The following APBA1 variants were observed in gnomAD, a reference collection of about 807,000 sequenced individuals.
The protein encoded by APBA1 is amyloid beta precursor protein binding family A member 1.
Under a neutral mutation model 86.6 loss-of-function variants are expected in APBA1, and 55 were observed. The observed-to-expected ratio is 0.64, with a 90% CI of 0.51 to 0.80. The LOEUF (loss-of-function observed/expected upper bound fraction) is 0.80. APBA1 is among the 30% of genes least tolerant of loss of function. The probability of loss-of-function intolerance (pLI) is 0.00; values close to 1 mark genes in which losing one functional copy is unlikely to be tolerated. For missense variants in APBA1, 1,090 were observed against 1,183.0 expected (o/e 0.92, Z 1.15); for synonymous variants, 511 against 493.9 (o/e 1.03, Z -0.46).
intron 2 of APBA1, among the ~76,000 whole-genome samples, chr9:69,485,244 A>T (rs182869862): frequency 1.1e-4 from 16 of 152,168 alleles, no homozygotes; most frequent in Admixed American, 1.0e-3. Flanking sequence ...AAGCCTAAAA[A>T]TCTCCACACC....
intron 1 of APBA1, among the ~76,000 whole-genome samples, chr9:69,664,421 G>A (rs768154000): frequency 6.6e-6 from 1 of 152,186 alleles, no homozygotes; most frequent in Non-Finnish European, 1.5e-5. Context: ...AATAAAGTTT[G>A]TGGTGGTAGC....
chr9:69,427,901 T>C lies in APBA1; in HGVS notation c.*3426A>G, dbSNP rs1045833811. 2 of 152,186 alleles carry C rather than the reference T, an allele frequency of 1.3e-5. No homozygotes were observed. Among genetic ancestry groups the C allele is most frequent in the Non-Finnish European group, 1.5e-5 (1 of 68,036 alleles). 9.4% of individuals were successfully genotyped at this position (152,186 alleles called of 1,614,324 possible). ...TTTCACCCTCTTTACAGAACAATAG[T>C]ACAAGTTCATACTCTAGGTGCTGTG... On this transcript the variant is annotated 3_prime_UTR_variant, in exon 13 of 13. Coordinates refer to ENST00000265381, the MANE Select transcript of APBA1 (RefSeq NM_001163.4).
chr9:69,611,295 A>C (rs1045266153), intron 1 of APBA1, among the ~76,000 whole-genome samples: 26 of 150,596 alleles, frequency 1.7e-4, no homozygotes, highest in Middle Eastern at 6.8e-3. Flanking sequence ...GAAAAAAAAA[A>C]AAAAAAAAAC....
At chr9:69,521,415 T>C (rs1444659450) in intron 1 of APBA1, among the ~76,000 whole-genome samples, 1 of 152,186 alleles carries the variant, frequency 6.6e-6, no homozygotes, top group African/African-American at 2.4e-5. Context: ...CAGGCCACAT[T>C]CATACTTGAT....
Position 69,516,876 on chromosome 9 carries a change from G to C in APBA1, c.335C>G (p.Pro112Arg). ...CACAGCATAGGCGCTCTCGTCCTCG[G>C]GGTCCTGCGCGCGCTCCGCATCGTA... ...DGYDAERAQD[P>R]EDESAYAVQY... The change falls in exon 2 of 13, where the codon CCC becomes CGC. Residue 112 changes from proline (P) to arginine (R), a missense_variant. Transcript: ENST00000265381. The surrounding 1 kb of genome is among the most constrained non-coding windows in gnomAD (Gnocchi z 7.3). The C allele has an allele frequency of 6.3e-7, 1 of 1,595,780 alleles. No individual in the cohort carries two copies. Among genetic ancestry groups the C allele is most frequent in the Non-Finnish European group, 8.5e-7 (1 of 1,176,780 alleles).
chr9:69,603,436 C>T (rs1268107097), intron 1 of APBA1, among the ~76,000 whole-genome samples: 2 of 152,230 alleles, frequency 1.3e-5, no homozygotes, highest in Non-Finnish European at 2.9e-5. Context: ...TCCTGATCAG[C>T]TCACACTTCA....
intron 1 of APBA1, among the ~76,000 whole-genome samples, chr9:69,609,989 T>C (rs1822551431): frequency 6.6e-6 from 1 of 152,130 alleles, no homozygotes; most frequent in East Asian, 1.9e-4. Context: ...TTGACTTAAC[T>C]TGGGATCCGA....
intron 10 of APBA1, among the ~76,000 whole-genome samples, chr9:69,442,787 C>G (rs115992810): frequency 2.6e-5 from 4 of 152,216 alleles, no homozygotes; most frequent in Non-Finnish European, 5.9e-5. Flanking sequence ...TCTACCAAAT[C>G]TTTTTCAGTG....
intron 2 of APBA1, among the ~76,000 whole-genome samples, chr9:69,493,973 T>C (rs925791176): frequency 6.6e-6 from 1 of 152,082 alleles, no homozygotes; most frequent in Non-Finnish European, 1.5e-5. Flanking sequence ...CCCAAATATA[T>C]GATAAGTTTT....
rs189657891 is a variant in APBA1, at chr9:69,436,266, T to G, written c.2302-3590A>C. On this transcript the variant is annotated intron_variant, in intron 11 of 12. Transcript: ENST00000265381. ...AGGATTGACTTGGCAATGTGGGCTC[T>G]TTTTTGGTTCCATATGAATTTTAAA... is the stretch of plus-strand genomic sequence containing the variant. Among the ~76,000 whole-genome samples the G allele has an allele frequency of 1.4e-3, 204 of 150,148 alleles. 9 individuals carry two copies. The Middle Eastern group carries it at 0.024, about 18-fold the overall frequency.
intron 1 of APBA1, among the ~76,000 whole-genome samples, chr9:69,536,046 GTTT>G (rs10579030): frequency 2.1e-5 from 3 of 143,818 alleles, no homozygotes; most frequent in African/African-American, 5.1e-5. Flanking sequence ...GCAGTTTTTT[GTTT>G]TTTTTTTTTT....
chr9:69,647,705 G>A (rs775182446), intron 1 of APBA1, among the ~76,000 whole-genome samples: 14 of 152,154 alleles, frequency 9.2e-5, no homozygotes, highest in East Asian at 5.8e-4. Context: ...TCCTTAGTGC[G>A]CCAGAATGTA....
chr9:69,533,984 C>G (rs1836470252), intron 1 of APBA1, among the ~76,000 whole-genome samples: 1 of 152,090 alleles, frequency 6.6e-6, no homozygotes, highest in African/African-American at 2.4e-5. Flanking sequence ...ACAAAGAGGA[C>G]ATGACATCCA....
intron 1 of APBA1, among the ~76,000 whole-genome samples, chr9:69,574,959 G>A (rs1024378049): frequency 7.2e-5 from 11 of 152,094 alleles, no homozygotes; most frequent in Non-Finnish European, 1.5e-4. Flanking sequence ...CTGTCGCCTA[G>A]GCTGGAGTGC....
At chr9:69,540,885 A>G (rs1836598094) in intron 1 of APBA1, among the ~76,000 whole-genome samples, 1 of 152,196 alleles carries the variant, frequency 6.6e-6, no homozygotes, top group Non-Finnish European at 1.5e-5. Context: ...GATTACAAGC[A>G]TGAGCCACCA....
At chr9:69,499,298 C>G (rs552273974) in intron 2 of APBA1, among the ~76,000 whole-genome samples, 1 of 152,188 alleles carries the variant, frequency 6.6e-6, no homozygotes, top group Admixed American at 6.5e-5. Context: ...GAATACATCA[C>G]ATTCCAGCCA....
chr9:69,476,115 A>G lies in APBA1; in HGVS notation c.1229T>C (p.Leu410Ser). Residue 410 changes from leucine (L) to serine (S), a missense_variant, in exon 3 of 13, where the codon TTG (leucine) becomes TCG (serine). Physicochemically the swap from Leu to Ser is moderately radical, Grantham distance 145. Coordinates refer to ENST00000265381, the MANE Select transcript of APBA1 (RefSeq NM_001163.4). ...DSPSPGSSSP[L>S]GAESSSTSLH... ...AGATGTGCTTGATGACTCTGCACCCAAGGGGGAGGAGCTGCCAGGAGACGG... is the reference window on the plus strand; with the variant it reads ...AGATGTGCTTGATGACTCTGCACCCGAGGGGGAGGAGCTGCCAGGAGACGG... 1 of 1,614,002 alleles carries G rather than the reference A, an allele frequency of 6.2e-7. No homozygotes were observed. The highest frequency in any genetic ancestry group is 8.5e-7 in the Non-Finnish European group (1 of 1,179,958).
intron 2 of APBA1, among the ~76,000 whole-genome samples, chr9:69,485,009 T>C (rs1231380127): frequency 3.3e-5 from 5 of 150,654 alleles, no homozygotes; most frequent in Non-Finnish European, 4.4e-5. Context: ...AGAGACAGGG[T>C]CTCACTATGT....
At chr9:69,547,225 G>T (rs1836712339) in intron 1 of APBA1, among the ~76,000 whole-genome samples, 1 of 152,178 alleles carries the variant, frequency 6.6e-6, no homozygotes, top group South Asian at 2.1e-4. Flanking sequence ...GGATGGTACT[G>T]GAGTTTTACA....
Sources: allele counts gnomAD v4.1 joint callset (sites outside exome capture counted in the v4.1 genomes callset), GRCh38; gene constraint gnomAD v4.1.1; non-coding constraint Gnocchi (gnomAD v3.1); transcripts MANE v1.5; gene names NCBI Gene and HGNC (gene_info 2026-07-23, HGNC 2026-07-21).